EML4: variants seen among roughly 807,000 people sequenced by gnomAD.
The protein encoded by EML4 is EMAP like 4.
In EML4, 72 loss-of-function variants were observed where a neutral mutation model predicts 129.0. That is an observed-to-expected ratio of 0.56 (90% CI 0.46 to 0.68). The LOEUF (loss-of-function observed/expected upper bound fraction) is 0.68, where lower values mean the gene tolerates loss of function less well. Ranked by LOEUF, EML4 falls within the 30% of genes least tolerant of loss-of-function variation. The probability of loss-of-function intolerance (pLI) is 0.00; values close to 1 mark genes in which losing one functional copy is unlikely to be tolerated. For synonymous variants in EML4, 532 were observed against 405.0 expected (o/e 1.31, Z -3.77); for missense variants, 1,363 against 1,190.6 (o/e 1.14, Z -2.13).
chr2:42,183,053 G>T (rs1020928608), intron 1 of EML4, among the ~76,000 whole-genome samples: 4 of 152,190 alleles, frequency 2.6e-5, no homozygotes, highest in Non-Finnish European at 5.9e-5. Context: ...GTATCAGGAG[G>T]CTGAGGTGGG....
chr2:42,204,552 A>T (rs1308676886), intron 1 of EML4, among the ~76,000 whole-genome samples: 7 of 152,194 alleles, frequency 4.6e-5, no homozygotes, highest in Non-Finnish European at 1.0e-4. Context: ...ATCAACACTG[A>T]ATTTCATGTA....
At chr2:42,175,770 ATTAGAGGT>A (rs1320824485) in intron 1 of EML4, among the ~76,000 whole-genome samples, 2 of 152,190 alleles carry the variant, frequency 1.3e-5, no homozygotes, top group African/African-American at 4.8e-5. Flanking sequence ...AAGTGCTGGG[ATTAGAGGT>A]GTGAGTCACC....
chr2:42,178,621 A>G (rs536322701), intron 1 of EML4, among the ~76,000 whole-genome samples: 1 of 152,276 alleles, frequency 6.6e-6, no homozygotes, highest in South Asian at 2.1e-4. Context: ...CACGTGAGAG[A>G]TCCCTGGGAG....
At chr2:42,207,645 G>GT (rs1672640566) in intron 1 of EML4, among the ~76,000 whole-genome samples, 3 of 152,156 alleles carry the variant, frequency 2.0e-5, no homozygotes, top group Non-Finnish European at 1.5e-5. Flanking sequence ...TTTCCTGAAC[G>GT]TAAGTGGTCT....
chr2:42,263,157 A>G, intron 4 of EML4, 21 bp from the exon 5 acceptor site: 1 of 1,595,032 alleles, frequency 6.3e-7, no homozygotes. Flanking sequence ...TTTTTCTCTA[A>G]GAAATTAATG....
At chr2:42,254,588 T>G (rs1675998137) in intron 2 of EML4, among the ~76,000 whole-genome samples, 1 of 149,952 alleles carries the variant, frequency 6.7e-6, no homozygotes, top group Admixed American at 6.7e-5. Context: ...AAACCAAAAC[T>G]TATGAGGTAA....
chr2:42,214,235 T>A (rs1392252686), intron 1 of EML4, among the ~76,000 whole-genome samples: 2 of 152,342 alleles, frequency 1.3e-5, no homozygotes, highest in Middle Eastern at 3.4e-3. Context: ...GAAAAAAATT[T>A]ATGTCTAGTA....
intron 1 of EML4, among the ~76,000 whole-genome samples, chr2:42,172,687 C>T (rs1670350045): frequency 6.6e-6 from 1 of 151,608 alleles, no homozygotes; most frequent in South Asian, 2.1e-4. Context: ...GAAAAGTACT[C>T]AATTACCTTG....
Position 42,331,341 on chromosome 2 carries a change from A to T in EML4, c.*1134A>T, listed in dbSNP as rs999228830. On this transcript the variant is annotated 3_prime_UTR_variant, in exon 23 of 23. Coordinates refer to ENST00000318522, the MANE Select transcript of EML4 (RefSeq NM_019063.5). ...GTTTTTTTCTGGTGGAGTTGCTGTA[A>T]GTCTTGTAAGTCTAATGTGGCTATC... is the stretch of plus-strand genomic sequence containing the variant. 1.3e-5 allele frequency: 3 copies of T among 224,254 alleles called. No individual in the cohort carries two copies. Among genetic ancestry groups the T allele is most frequent in the African/African-American group, 6.7e-5 (3 of 44,846 alleles). 13.9% of individuals were successfully genotyped at this position (224,254 alleles called of 1,614,324 possible).
intron 9 of EML4, among the ~76,000 whole-genome samples, chr2:42,285,621 C>T (rs1262530922): frequency 4.1e-5 from 6 of 145,384 alleles, no homozygotes; most frequent in Non-Finnish European, 4.5e-5. Flanking sequence ...TTTTTTGAGA[C>T]GGAGTCTTGC....
Position 42,330,273 on chromosome 2 carries a change from C to A in EML4, c.*66C>A. The A allele has an allele frequency of 7.2e-7, 1 of 1,396,488 alleles. No homozygotes were observed. The allele number at this position is 1,396,488 out of a possible 1,614,324, so 86.5% of individuals were successfully genotyped here. On this transcript the variant is annotated 3_prime_UTR_variant, in exon 23 of 23. Transcript: ENST00000318522. ...TGATTTTGTGATAAAGTTCAGGTAA[C>A]AGGATGGGCAGTGATGGAGAATCAC... is the stretch of plus-strand genomic sequence containing the variant.
chr2:42,274,063 C>G (rs1042821670), intron 6 of EML4, among the ~76,000 whole-genome samples: 10 of 152,144 alleles, frequency 6.6e-5, no homozygotes, highest in Admixed American at 1.3e-4. Context: ...GTAAATATTT[C>G]TAGCATTTTG....
In EML4 at chr2:42,331,395, G is replaced by GA. The variant is rs1558621211; in HGVS notation, c.*1188_*1189insA. ...CTCTTTTGGGCAATGCATGTATTAT[G>GA]CATTGGAAAGGTATTTTTTTTAAGT... is the stretch of plus-strand genomic sequence containing the variant. On this transcript the variant is annotated 3_prime_UTR_variant, in exon 23 of 23. Coordinates refer to ENST00000318522, the MANE Select transcript of EML4 (RefSeq NM_019063.5). 8 of 224,170 alleles carry GA rather than the reference G, an allele frequency of 3.6e-5. No individual in the cohort carries two copies. The highest frequency in any genetic ancestry group is 1.8e-4 in the African/African-American group (8 of 44,822). The allele number at this position is 224,170 out of a possible 1,614,324, so 13.9% of individuals were successfully genotyped here.
In EML4 at chr2:42,232,548, C is replaced by G. The variant is rs983526519; in HGVS notation, c.26-12957C>G. On this transcript the variant is annotated intron_variant, in intron 1 of 22. Coordinates refer to ENST00000318522, the MANE Select transcript of EML4 (RefSeq NM_019063.5). ...AATTCCTTCCTAGCCTGTAATGTTT[C>G]AAACACATTATATATTCCCCAACCC... 1.5e-4 allele frequency among the ~76,000 whole-genome samples: 23 copies of G among 152,302 alleles called. No homozygotes were observed. The South Asian group carries it at 2.7e-3, about 18-fold the overall frequency.
chr2:42,279,815 C>T (rs560415208), intron 6 of EML4, among the ~76,000 whole-genome samples: 16 of 151,384 alleles, frequency 1.1e-4, no homozygotes, highest in South Asian at 6.3e-4. Context: ...AATAGCCATC[C>T]GACAGGTATA....
intron 1 of EML4, among the ~76,000 whole-genome samples, chr2:42,177,016 C>A (rs978854575): frequency 6.6e-6 from 1 of 152,150 alleles, no homozygotes; most frequent in South Asian, 2.1e-4. Flanking sequence ...CTGTCTCAAA[C>A]TCCTGACCTC....
intron 9 of EML4, chr2:42,285,962 C>T (rs1667284027): frequency 3.1e-6 from 1 of 326,052 alleles, no homozygotes; most frequent in Non-Finnish European, 5.8e-6. Context: ...ATTCCAATTT[C>T]TTCATCTGTT....
rs553903131 is a variant in EML4, at chr2:42,330,619, CTTTTT to C, written c.*424_*428del. 3.9e-5 allele frequency: 8 copies of C among 206,736 alleles called. No individual in the cohort carries two copies. Among genetic ancestry groups the C allele is most frequent in the East Asian group, 2.3e-4 (3 of 13,264 alleles). 12.8% of individuals were successfully genotyped at this position (206,736 alleles called of 1,614,324 possible). On this transcript the variant is annotated 3_prime_UTR_variant, in exon 23 of 23. Coordinates refer to ENST00000318522, the MANE Select transcript of EML4 (RefSeq NM_019063.5). Reference sequence around the variant, plus strand: ...TCATCTACTGGCTCAGACTGTACTACTTTTTTTTTTTTTTTTCCTGAAAAAGAAAC... The same window carrying C: ...TCATCTACTGGCTCAGACTGTACTACTTTTTTTTTTTCCTGAAAAAGAAAC...
At position 42,303,091 on chromosome 2, in the gene EML4, C is replaced by CT. The variant is rs745420514; in HGVS notation, c.1642-5dup. On this transcript the variant is annotated splice_polypyrimidine_tract_variant and intron_variant, in intron 14 of 22. Transcript: ENST00000318522. ...TTAGTATGTATATGGTGACTTTACA[C>CT]TTTTTTTTCTAGGTTCCTGATCAGT... 13 of 1,612,220 alleles carry CT rather than the reference C, an allele frequency of 8.1e-6. No individual in the cohort carries two copies. The highest frequency in any genetic ancestry group is 5.0e-5 in the Admixed American group (3 of 59,776).
Sources: allele counts gnomAD v4.1 joint callset (sites outside exome capture counted in the v4.1 genomes callset), GRCh38; gene constraint gnomAD v4.1.1; transcripts MANE v1.5; gene names NCBI Gene and HGNC (gene_info 2026-07-23, HGNC 2026-07-21).